Variants in SRRM2 observed in about 807,000 individuals in gnomAD.
SRRM2 encodes serine/arginine repetitive matrix 2.
In SRRM2, 30 loss-of-function variants were observed where a neutral mutation model predicts 213.8. The ratio of observed to expected loss-of-function variants is 0.14; its 90% CI spans 0.10 to 0.19. The LOEUF (loss-of-function observed/expected upper bound fraction) is 0.19, where lower values mean the gene tolerates loss of function less well. Ranked by LOEUF, SRRM2 falls within the 10% of genes least tolerant of loss-of-function variation. The pLI is 1.00. For synonymous variants in SRRM2, 2,025 were observed against 1,377.7 expected (o/e 1.47, Z -10.40); for missense variants, 4,904 against 3,647.0 (o/e 1.34, Z -8.88).
At chr16:2,756,963 G>A (rs2068164114) in intron 2 of SRRM2, among the ~76,000 whole-genome samples, 1 of 152,120 alleles carries the variant, frequency 6.6e-6, no homozygotes, top group Non-Finnish European at 1.5e-5. Context: ...AAAAGAAGAA[G>A]ATAAATGGAT....
chr16:2,759,864 ATTTG>A (rs2068277639), intron 9 of SRRM2: 3 of 556,748 alleles, frequency 5.4e-6, no homozygotes, highest in Non-Finnish European at 6.2e-6. Flanking sequence ...GTTTTTGTTT[ATTTG>A]TTATTTTTGT....
At position 2,762,504 on chromosome 16, in the gene SRRM2, G is replaced by A. The variant is rs1209352564; in HGVS notation, c.1976G>A (p.Arg659His). 4.3e-6 allele frequency: 7 copies of A among 1,613,470 alleles called. No homozygotes were observed. Among genetic ancestry groups the A allele is most frequent in the East Asian group, 4.5e-5 (2 of 44,870 alleles). The change falls in exon 11 of 15, where the codon CGC (arginine) becomes CAC (histidine). Residue 659 changes from arginine to histidine, a missense_variant. Arg to His is a conservative substitution (Grantham distance 29, BLOSUM62 0). Coordinates refer to ENST00000301740, the MANE Select transcript of SRRM2 (RefSeq NM_016333.4). Reference sequence around the variant, plus strand: ...ACCCCAGCTAGACGTGGCCGCTCACGCTCCAGAACCCCAGCCAGACGTGGC... The same window carrying A: ...ACCCCAGCTAGACGTGGCCGCTCACACTCCAGAACCCCAGCCAGACGTGGC... ...SRTPARRGRSRSRTPARRGRS... is the reference protein window; with the variant it reads ...SRTPARRGRSHSRTPARRGRS...
In SRRM2 at chr16:2,758,400, C is replaced by G. The variant is rs75262558; in HGVS notation, c.516-70C>G. The G allele has an allele frequency of 1.4e-3, 1,857 of 1,328,856 alleles. 17 individuals are homozygous for G. In the African/African-American group the frequency reaches 0.024, roughly 18 times the overall value. 82.3% of individuals were successfully genotyped at this position (1,328,856 alleles called of 1,614,324 possible). A position where few individuals can be genotyped will look rare whatever the true frequency, so the allele number is the denominator to read the frequency against. The stretch of plus-strand genomic sequence containing the variant: ...ATTTTTATTACTATTTTTTTAGACT[C>G]TGTCTTTTAAAGAAAAGAAAGGAAT... On this transcript the variant is annotated intron_variant, in intron 4 of 14. Transcript: ENST00000301740.
rs188222132 is a variant in SRRM2, at chr16:2,764,058, C to T, written c.3530C>T (p.Thr1177Ile). ...KMALPPQEDA[T>I]ASPPRQKDKF... Reference sequence around the variant, plus strand: ...GCCTTACCCCCTCAGGAGGATGCTACTGCATCACCTCCTAGACAGAAAGAC... The same window carrying T: ...GCCTTACCCCCTCAGGAGGATGCTATTGCATCACCTCCTAGACAGAAAGAC... Residue 1177 changes from threonine (T) to isoleucine (I), a missense_variant, in exon 11 of 15, where the codon ACT (threonine) becomes ATT (isoleucine). By Grantham distance (89) the Thr-to-Ile change is moderately conservative. Transcript: ENST00000301740. The T allele has an allele frequency of 8.1e-6, 13 of 1,614,146 alleles. No individual in the cohort carries two copies. In the South Asian group the frequency reaches 1.3e-4, roughly 16 times the overall value.
In SRRM2 at chr16:2,767,303, T is replaced by A; in HGVS notation, c.6775T>A (p.Ser2259Thr). The change falls in exon 11 of 15, where the codon TCT becomes ACT. Residue 2259 changes from serine (S) to threonine (T), a missense_variant. Physicochemically the swap from Ser to Thr is moderately conservative, Grantham distance 58 (BLOSUM62 1). Coordinates refer to ENST00000301740, the MANE Select transcript of SRRM2 (RefSeq NM_016333.4). ...TCCAACAGCAGTGAACCTGGCTGAC[T>A]CTCGAACGCCAGCTGCAGCAGCGGC... ...AIPTAVNLAD[S>T]RTPAAAAAMN... 4 of 1,613,882 alleles carry A rather than the reference T, an allele frequency of 2.5e-6. No individual in the cohort carries two copies. The highest frequency in any genetic ancestry group is 1.7e-5 in the Admixed American group (1 of 60,012).
chr16:2,770,452 C>T lies in SRRM2; in HGVS notation c.8122C>T (p.Arg2708Trp), dbSNP rs139579060. ...RRRPSPQPSPRDQQSSSSERG... is the reference protein window; with the variant it reads ...RRRPSPQPSPWDQQSSSSERG... ...CCGTCCCTCGCCCCAGCCCTCACCACGGGACCAGCAGAGGTAAGGCCAACT... is the reference window on the plus strand; with the variant it reads ...CCGTCCCTCGCCCCAGCCCTCACCATGGGACCAGCAGAGGTAAGGCCAACT... The change falls in exon 13 of 15, where the codon CGG becomes TGG. Residue 2708 changes from arginine to tryptophan, a missense_variant. Coordinates refer to ENST00000301740, the MANE Select transcript of SRRM2 (RefSeq NM_016333.4). 31 of 1,607,606 alleles carry T rather than the reference C, an allele frequency of 1.9e-5. No homozygotes were observed. The highest frequency in any genetic ancestry group is 2.4e-5 in the Non-Finnish European group (28 of 1,177,330).
At chr16:2,758,079 A>G in intron 4 of SRRM2, 134 bp downstream of exon 4, 1 of 1,160,224 alleles carries the variant, frequency 8.6e-7, no homozygotes, top group Non-Finnish European at 1.2e-6. Flanking sequence ...GGTGTCCAAA[A>G]AAATGTGTCC....
At position 2,763,639 on chromosome 16, in the gene SRRM2, A is replaced by G; in HGVS notation, c.3111A>G (p.Ala1037=). 9 of 1,614,124 alleles carry G rather than the reference A, an allele frequency of 5.6e-6. No individual in the cohort carries two copies. Among genetic ancestry groups the G allele is most frequent in the Non-Finnish European group, 7.6e-6 (9 of 1,180,028 alleles). ...QSCPGSLSLC[A]GVKSSTPPGE... is the part of the protein sequence containing the mutation. ...GCCCTGGATCCCTCTCTCTCTGTGCAGGAGTAAAATCTAGCACACCACCAG... is the reference window on the plus strand; with the variant it reads ...GCCCTGGATCCCTCTCTCTCTGTGCGGGAGTAAAATCTAGCACACCACCAG... The change falls in exon 11 of 15, where the codon GCA becomes GCG. Residue 1037 remains alanine, a synonymous_variant. Transcript: ENST00000301740.
At position 2,769,132 on chromosome 16, in the gene SRRM2, C is replaced by T. The variant is rs766406924; in HGVS notation, c.7869C>T (p.Ser2623=). The change falls in exon 12 of 15, where the codon TCC becomes TCT. Residue 2623 remains serine (S), a synonymous_variant. Coordinates refer to ENST00000301740, the MANE Select transcript of SRRM2 (RefSeq NM_016333.4). ...SSSSSSSSSS[S]SSSSSSSSSS... is the part of the protein sequence containing the mutation. ...CCTCTTCATCTTCCTCCTCCTCCTC[C>T]TCCTCCTCTTCTTCCTCCTCCTCTT... 6.2e-7 allele frequency: 1 copy of T among 1,612,998 alleles called. No individual in the cohort carries two copies. The highest frequency in any genetic ancestry group is 8.5e-7 in the Non-Finnish European group (1 of 1,179,074).
Position 2,759,192 on chromosome 16 carries a change from TA to T in SRRM2, c.689+21del, listed in dbSNP as rs758049508. On this transcript the variant is annotated intron_variant, in intron 7 of 14. Transcript: ENST00000301740. ...GCATAGGTAAGAGCTCTTTAACTCATAGGGGGCGCAGTGGCATGTGGAGTGG... is the reference window on the plus strand; with the variant it reads ...GCATAGGTAAGAGCTCTTTAACTCATGGGGGCGCAGTGGCATGTGGAGTGG... 8.7e-6 allele frequency: 14 copies of T among 1,613,646 alleles called. No homozygotes were observed. Among genetic ancestry groups the T allele is most frequent in the Non-Finnish European group, 1.7e-6 (2 of 1,179,930 alleles).
rs2068374907 is a variant in SRRM2 at position 2,762,183 on chromosome 16, G to T, written c.1655G>T (p.Gly552Val). The T allele has an allele frequency of 3.1e-6, 5 of 1,614,052 alleles. No individual in the cohort carries two copies. In the East Asian group the frequency reaches 1.1e-4, roughly 36 times the overall value. ...AGGAGCAGAAATACCCAGAGAAGAG[G>T]CAGGTCTAGGTCAGCAAGGCGAGGG... ...WSRSRNTQRR[G>V]RSRSARRGRS... The change falls in exon 11 of 15, where the codon GGC becomes GTC. Residue 552 changes from glycine (G) to valine (V), a missense_variant. Transcript: ENST00000301740.
rs769778539 is a variant in SRRM2 at position 2,764,762 on chromosome 16, AG to A, written c.4235del (p.Arg1412LysfsTer16). The A allele has an allele frequency of 2.5e-6, 4 of 1,614,232 alleles. No homozygotes were observed. In the South Asian group the frequency reaches 3.3e-5, roughly 13 times the overall value. ...ISSPVLDAVP[R>X]TPSRERSSSA... is the part of the protein sequence containing the mutation. The stretch of plus-strand genomic sequence containing the variant: ...TTCACCTGTGCTTGATGCTGTACCC[AG>A]AACACCCTCGAGAGAAAGAAGTAGT... On this transcript the variant is annotated frameshift_variant, in exon 11 of 15. Coordinates refer to ENST00000301740, the MANE Select transcript of SRRM2 (RefSeq NM_016333.4). LOFTEE classifies it high-confidence loss of function.
chr16:2,754,353 C>G (rs2068065411), intron 1 of SRRM2, among the ~76,000 whole-genome samples: 1 of 151,362 alleles, frequency 6.6e-6, no homozygotes. Flanking sequence ...AGTGCAGTGG[C>G]GCGATCTCGG....
At chr16:2,770,578 G>A (rs1448239083) in intron 13 of SRRM2, 26 bp from the exon 14 acceptor site, 1 of 1,552,428 alleles carries the variant, frequency 6.4e-7, no homozygotes, top group Non-Finnish European at 8.7e-7. Flanking sequence ...GCCACCCTGT[G>A]GCCTGATGTC....
intron 10 of SRRM2, 74 bp downstream of exon 10, chr16:2,760,573 GA>G: frequency 6.6e-7 from 1 of 1,521,564 alleles, no homozygotes; most frequent in Non-Finnish European, 9.0e-7. Context: ...ATGTGAAAGG[GA>G]GAGGTAATAA....
chr16:2,757,414 A>C, intron 2 of SRRM2, 58 bp from the exon 3 acceptor site: 1 of 1,533,284 alleles, frequency 6.5e-7, no homozygotes, highest in South Asian at 1.1e-5. Context: ...GGAAATGGAA[A>C]CCTGGGACTG....
chr16:2,757,176 G>A (rs752432405), intron 2 of SRRM2, among the ~76,000 whole-genome samples: 2 of 152,200 alleles, frequency 1.3e-5, no homozygotes, highest in South Asian at 2.1e-4. Context: ...ATCCCAGGAA[G>A]TAAAAGGCAC....
chr16:2,762,753 G>A lies in SRRM2; in HGVS notation c.2225G>A (p.Arg742Lys), dbSNP rs757675782. ...NKSRTSQRRS[R>K]SNSSPEMKKS... ...TCCAGAACATCTCAAAGAAGAAGCA[G>A]GTCCAATTCAAGCCCAGAAATGAAG... The change falls in exon 11 of 15, where the codon AGG becomes AAG. Residue 742 changes from arginine to lysine, a missense_variant. Physicochemically the swap from Arg to Lys is conservative, Grantham distance 26. Transcript: ENST00000301740. 2 of 1,614,190 alleles carry A rather than the reference G, an allele frequency of 1.2e-6. No homozygotes were observed. Among genetic ancestry groups the A allele is most frequent in the East Asian group, 2.2e-5 (1 of 44,892 alleles).
At chr16:2,758,762 AT>A (rs1235150544) in intron 5 of SRRM2, 2 of 677,210 alleles carry the variant, frequency 3.0e-6, no homozygotes, top group Non-Finnish European at 5.0e-6. Flanking sequence ...GGCCAGCAGC[AT>A]TTTGGATTCT....
Sources: gnomAD v4.1 joint callset for allele counts (sites outside exome capture counted in the v4.1 genomes callset) on GRCh38, gnomAD v4.1.1 for gene constraint, MANE v1.5 for transcripts, NCBI Gene and HGNC (gene_info 2026-07-23, HGNC 2026-07-21) for gene names.